ZC3H12B: variants seen among roughly 807,000 people sequenced by gnomAD.
ZC3H12B encodes the protein zinc finger CCCH-type containing 12B.
ZC3H12B carries 7 observed loss-of-function variants against 43.9 expected under a neutral mutation model. The ratio of observed to expected loss-of-function variants is 0.16; its 90% confidence interval spans 0.09 to 0.30. ZC3H12B has a LOEUF of 0.30. Ranked by LOEUF, ZC3H12B falls within the 10% of genes least tolerant of loss-of-function variation. The pLI, the probability that ZC3H12B is intolerant of heterozygous loss-of-function variation, is 1.00. For missense variants in ZC3H12B, 475 were observed against 670.2 expected (o/e 0.71, Z 3.22); for synonymous variants, 222 against 241.7 (o/e 0.92, Z 0.76).
At chrX:65,393,889 A>G (rs962479600) in intron 2 of ZC3H12B, among the ~76,000 whole-genome samples, 1 of 112,142 alleles carries the variant, frequency 8.9e-6, no homozygotes, top group Non-Finnish European at 1.9e-5. Flanking sequence ...AATAATCTCT[A>G]TTCTAACTAG....
intron 2 of ZC3H12B, among the ~76,000 whole-genome samples, chrX:65,392,689 G>A (rs948021754): frequency 9.8e-5 from 11 of 111,797 alleles, no homozygotes; most frequent in Non-Finnish European, 1.9e-4. Context: ...CTGCCTGGCT[G>A]CCACGTCTGG....
chrX:65,426,392 CAAAAAAAAAAAAAAA>C (rs58910748), intron 3 of ZC3H12B, among the ~76,000 whole-genome samples: 2 of 42,203 alleles, frequency 4.7e-5, no homozygotes, highest in African/African-American at 6.8e-5. Flanking sequence ...TAATTATTTC[CAAAAAAAAAAAAAAA>C]AAAAAAAAAC....
the ZC3H12B span, among the ~76,000 whole-genome samples, chrX:65,234,846 C>A: frequency 9.0e-6 from 1 of 111,337 alleles, no homozygotes; most frequent in Non-Finnish European, 1.9e-5. Context: ...GCTCTTTCTC[C>A]CCCCACCACT....
chrX:65,143,275 A>AT, the ZC3H12B span, among the ~76,000 whole-genome samples: 16 of 110,478 alleles, frequency 1.4e-4, no homozygotes, highest in Admixed American at 7.7e-4. Context: ...TTTTGCAGCT[A>AT]TTGTAAAGGG....
At chrX:65,097,292 G>A in the ZC3H12B span, among the ~76,000 whole-genome samples, 8 of 111,796 alleles carry the variant, frequency 7.2e-5, no homozygotes, top group Non-Finnish European at 1.5e-4. Context: ...ACCAAAAGAG[G>A]TTAATTTGGC....
the ZC3H12B span, among the ~76,000 whole-genome samples, chrX:65,067,239 ATT>A: frequency 2.7e-5 from 3 of 110,170 alleles, no homozygotes; most frequent in Non-Finnish European, 5.7e-5. Flanking sequence ...CAGCTGCCCC[ATT>A]TTGTGCTTGA....
chrX:65,256,149 A>G, the ZC3H12B span, among the ~76,000 whole-genome samples: 3 of 111,994 alleles, frequency 2.7e-5, no homozygotes, highest in Non-Finnish European at 5.6e-5. Context: ...ACTAACAAAG[A>G]TATTTGGGAC....
the ZC3H12B span, among the ~76,000 whole-genome samples, chrX:65,160,018 A>T: frequency 3.6e-5 from 4 of 112,157 alleles, no homozygotes; most frequent in African/African-American, 1.3e-4. Flanking sequence ...CTATTGAGAT[A>T]ATCATGTGGT....
At chrX:65,261,398 A>G in the ZC3H12B span, among the ~76,000 whole-genome samples, 1 of 111,417 alleles carries the variant, frequency 9.0e-6, no homozygotes. Flanking sequence ...ATAGCCTTCC[A>G]TAATGTTATG....
At chrX:65,497,833 T>C (rs1253936024) in intron 2 of ZC3H12B, among the ~76,000 whole-genome samples, 1 of 112,343 alleles carries the variant, frequency 8.9e-6, no homozygotes, top group Non-Finnish European at 1.9e-5. Flanking sequence ...GCAATGCATG[T>C]ACAATGATGT....
At chrX:65,122,589 C>A in the ZC3H12B span, among the ~76,000 whole-genome samples, 4 of 111,182 alleles carry the variant, frequency 3.6e-5, no homozygotes, top group Non-Finnish European at 7.5e-5. Flanking sequence ...GACAGACTGG[C>A]AAATTGGATA....
chrX:65,344,367 A>G, the ZC3H12B span, among the ~76,000 whole-genome samples: 2 of 111,944 alleles, frequency 1.8e-5, no homozygotes, highest in African/African-American at 6.5e-5. Flanking sequence ...TGGTACAAAA[A>G]CAGACACATA....
At chrX:65,262,021 A>G in the ZC3H12B span, among the ~76,000 whole-genome samples, 1 of 110,598 alleles carries the variant, frequency 9.0e-6, no homozygotes, top group Non-Finnish European at 1.9e-5. Context: ...TATAGTATTC[A>G]TTTCTACTGG....
chrX:65,347,272 A>G, the ZC3H12B span, among the ~76,000 whole-genome samples: 1 of 111,525 alleles, frequency 9.0e-6, no homozygotes, highest in East Asian at 2.8e-4. Flanking sequence ...CCACTCAGAG[A>G]CCCCATCCGA....
the ZC3H12B span, among the ~76,000 whole-genome samples, chrX:65,194,595 A>T: frequency 9.0e-6 from 1 of 111,695 alleles, no homozygotes; most frequent in Non-Finnish European, 1.9e-5. Flanking sequence ...GACCTAATAT[A>T]TGGTCTATCC....
At chrX:65,425,456 AT>A (rs1211747006) in intron 3 of ZC3H12B, among the ~76,000 whole-genome samples, 1 of 108,458 alleles carries the variant, frequency 9.2e-6, no homozygotes, top group Admixed American at 9.9e-5. Context: ...AATACTCTTT[AT>A]TTTTTTTTCT....
the ZC3H12B span, among the ~76,000 whole-genome samples, chrX:65,094,578 A>G: frequency 3.6e-5 from 4 of 111,875 alleles, no homozygotes; most frequent in Non-Finnish European, 7.5e-5. Context: ...ATGTTTTGAT[A>G]TTTCCACTCT....
the ZC3H12B span, among the ~76,000 whole-genome samples, chrX:65,155,929 T>C: frequency 8.1e-5 from 9 of 110,966 alleles, no homozygotes; most frequent in African/African-American, 2.3e-4. Context: ...GTTGGAATTA[T>C]CAGTTTTTCA....
chrX:65,433,468 C>T (rs1165039390), intron 3 of ZC3H12B, among the ~76,000 whole-genome samples: 1 of 111,722 alleles, frequency 9.0e-6, no homozygotes, highest in Non-Finnish European at 1.9e-5. Flanking sequence ...CTGCTAGATG[C>T]TAAGTATGTC....
Sources: gnomAD v4.1 joint callset for allele counts (sites outside exome capture counted in the v4.1 genomes callset) on GRCh38, gnomAD v4.1.1 for gene constraint, MANE v1.5 for transcripts, NCBI Gene and HGNC (gene_info 2026-07-23, HGNC 2026-07-21) for gene names.